Variants in ACO2 observed in about 807,000 individuals in gnomAD.
ACO2 encodes aconitase 2.
A neutral mutation model predicts 84.5 loss-of-function variants in ACO2; 31 were observed. That is an observed-to-expected ratio of 0.37 (90% CI 0.28 to 0.50). The LOEUF (loss-of-function observed/expected upper bound fraction) is 0.50, where lower values mean the gene tolerates loss of function less well. Among genes scored for constraint, ACO2 ranks in the 20% least tolerant of loss-of-function variants. ACO2 has a pLI of 0.97. For missense variants in ACO2, 685 were observed against 1,029.3 expected (o/e 0.67, Z 4.58); for synonymous variants, 414 against 412.7 (o/e 1.00, Z -0.04).
At chr22:41,528,087 A>C (rs1266256783) in intron 17 of ACO2, 65 bp downstream of exon 17, 2 of 1,608,028 alleles carry the variant, frequency 1.2e-6, no homozygotes, top group Non-Finnish European at 8.5e-7. Flanking sequence ...CCCCTCCTGC[A>C]CTGGCCCCAG....
At position 41,517,449 on chromosome 22, in the gene ACO2, A is replaced by G; in HGVS notation, c.836-78A>G. 4 of 1,112,680 alleles carry G rather than the reference A, an allele frequency of 3.6e-6. No homozygotes were observed. In the Admixed American group the frequency reaches 7.4e-5, roughly 21 times the overall value. 68.9% of individuals were successfully genotyped at this position (1,112,680 alleles called of 1,614,324 possible). A position where few individuals can be genotyped will look rare whatever the true frequency, so the allele number is the denominator to read the frequency against. On this transcript the variant is annotated intron_variant, in intron 6 of 17. Transcript: ENST00000216254. ...AGCAATGCAGCTCCCTGGTGTGAAGATGCAGGTGGCCGCGTAGCAGGTGTG... is the reference window on the plus strand; with the variant it reads ...AGCAATGCAGCTCCCTGGTGTGAAGGTGCAGGTGGCCGCGTAGCAGGTGTG...
chr22:41,517,405 C>T (rs1473765132), intron 6 of ACO2, 122 bp from the exon 7 acceptor site: 1 of 795,126 alleles, frequency 1.3e-6, no homozygotes, highest in African/African-American at 1.7e-5. Context: ...GTCACCACAT[C>T]TCTCTGAGTG....
intron 1 of ACO2, among the ~76,000 whole-genome samples, chr22:41,495,343 T>A (rs1464460200): frequency 6.6e-6 from 1 of 152,132 alleles, no homozygotes; most frequent in Non-Finnish European, 1.5e-5. Context: ...TGTTTTGTCC[T>A]TGACAGGTCT....
chr22:41,522,193 G>A (rs895912451), intron 9 of ACO2, among the ~76,000 whole-genome samples: 23 of 152,178 alleles, frequency 1.5e-4, no homozygotes, highest in African/African-American at 5.5e-4. Flanking sequence ...TTAGCCAGGT[G>A]TGGTGGTACT....
At chr22:41,514,583 G>A (rs2066461222) in intron 4 of ACO2, among the ~76,000 whole-genome samples, 1 of 152,216 alleles carries the variant, frequency 6.6e-6, no homozygotes, top group African/African-American at 2.4e-5. Context: ...TGCAGCTTCA[G>A]GGGGCCAGTG....
At chr22:41,471,704 G>GT (rs1396644688) in intron 1 of ACO2, among the ~76,000 whole-genome samples, 1 of 152,188 alleles carries the variant, frequency 6.6e-6, no homozygotes, top group Non-Finnish European at 1.5e-5. Context: ...AGAATGATGG[G>GT]TGTTACTCCC....
chr22:41,523,045 G>C, intron 10 of ACO2, 58 bp downstream of exon 10: 1 of 1,600,494 alleles, frequency 6.2e-7, no homozygotes, highest in Non-Finnish European at 8.5e-7. Flanking sequence ...AATGCCTCCA[G>C]GCGGCACAAG....
chr22:41,523,317 A>C, intron 11 of ACO2, 39 bp downstream of exon 11: 1 of 1,520,516 alleles, frequency 6.6e-7, no homozygotes, highest in Non-Finnish European at 9.0e-7. Flanking sequence ...CCCCTTGTGC[A>C]CAGGGTACAG....
chr22:41,504,100 C>T (rs568856432), intron 2 of ACO2, among the ~76,000 whole-genome samples: 6 of 152,262 alleles, frequency 3.9e-5, no homozygotes, highest in East Asian at 1.9e-4. Context: ...CCTGTAATCC[C>T]GGCCACTCGG....
At chr22:41,520,498 G>A (rs896190636) in intron 9 of ACO2, among the ~76,000 whole-genome samples, 1 of 152,062 alleles carries the variant, frequency 6.6e-6, no homozygotes, top group Non-Finnish European at 1.5e-5. Context: ...TTGAGTCTAG[G>A]GGTTCAAGAC....
chr22:41,470,800 C>A (rs2037937475), intron 1 of ACO2, among the ~76,000 whole-genome samples: 1 of 152,116 alleles, frequency 6.6e-6, no homozygotes, highest in African/African-American at 2.4e-5. Flanking sequence ...GCCTTGGCCT[C>A]CCAAAGTCCT....
At chr22:41,520,378 G>T in intron 9 of ACO2, 102 bp downstream of exon 9, 1 of 889,642 alleles carries the variant, frequency 1.1e-6, no homozygotes, top group Non-Finnish European at 1.7e-6. Flanking sequence ...ACTTTCTAAG[G>T]TGGGCAGTTT....
At chr22:41,474,186 C>T (rs572898166) in intron 1 of ACO2, among the ~76,000 whole-genome samples, 3 of 150,506 alleles carry the variant, frequency 2.0e-5, no homozygotes, top group Admixed American at 6.6e-5. Context: ...GATGGGTTGG[C>T]GCATGGGAGG....
At chr22:41,508,336 C>T (rs1160814732) in intron 3 of ACO2, among the ~76,000 whole-genome samples, 1 of 152,248 alleles carries the variant, frequency 6.6e-6, no homozygotes, top group Non-Finnish European at 1.5e-5. Context: ...CTGCCAGGTG[C>T]TCTGGAAGGG....
intron 17 of ACO2, 185 bp downstream of exon 17, chr22:41,528,207 C>A: frequency 2.1e-6 from 2 of 973,730 alleles, no homozygotes; most frequent in East Asian, 2.6e-5. Context: ...GGAGTCAACC[C>A]GGGGCCCTCA....
chr22:41,494,035 G>C (rs2066293648), intron 1 of ACO2, among the ~76,000 whole-genome samples: 1 of 152,208 alleles, frequency 6.6e-6, no homozygotes, highest in South Asian at 2.1e-4. Flanking sequence ...CACAGATCTA[G>C]AACATGTTCA....
At chr22:41,477,832 CG>C (rs2038037493) in intron 1 of ACO2, among the ~76,000 whole-genome samples, 1 of 151,936 alleles carries the variant, frequency 6.6e-6, no homozygotes, top group Admixed American at 6.6e-5. Context: ...TTTGGGAGGC[CG>C]AGATGGGTGG....
intron 4 of ACO2, 75 bp downstream of exon 4, chr22:41,512,043 G>C: frequency 8.3e-7 from 1 of 1,210,948 alleles, no homozygotes; most frequent in Middle Eastern, 2.0e-4. Context: ...GGGGGAGGGG[G>C]TTTGAGGCCC....
At chr22:41,486,619 C>T (rs1007979216) in intron 1 of ACO2, among the ~76,000 whole-genome samples, 6 of 151,696 alleles carry the variant, frequency 4.0e-5, no homozygotes, top group South Asian at 4.2e-4. Context: ...TACAGGCACC[C>T]GCCACCGTGC....
Sources: gnomAD v4.1 joint callset for allele counts (sites outside exome capture counted in the v4.1 genomes callset) on GRCh38, gnomAD v4.1.1 for gene constraint, MANE v1.5 for transcripts, NCBI Gene and HGNC (gene_info 2026-07-23, HGNC 2026-07-21) for gene names.